MEG3: variants seen among roughly 807,000 people sequenced by gnomAD.
MEG3 encodes maternally expressed 3, also known as Very putative protein from MEG3 locus.
At chr14:100,852,507 G>A (rs769700621), upstream of MEG3, 2 of 497,170 alleles carry the variant, frequency 4.0e-6, no homozygotes, top group East Asian at 5.6e-5. Flanking sequence ...CAGAATCTGG[G>A]GCTCCAGGCT....
At chr14:100,831,087 T>G (rs913590414), downstream of MEG3, 45 of 153,154 alleles carry the variant, frequency 2.9e-4, no homozygotes, top group African/African-American at 1.0e-3. Flanking sequence ...TCGAGAGTCC[T>G]GCTCCCAGTG....
chr14:100,826,172 G>A (rs577606722), intron 1 of MEG3: 1 of 152,324 alleles, frequency 6.6e-6, no homozygotes, highest in Non-Finnish European at 1.5e-5. Context: ...CCTTGGCGGC[G>A]GCTCCTCAGG....
At chr14:100,854,996 C>T (rs1362368639), upstream of MEG3, 1 of 152,660 alleles carries the variant, frequency 6.6e-6, no homozygotes, top group African/African-American at 2.4e-5. Context: ...AGCATCAGGG[C>T]TCACAGGTCA....
intron 2 of MEG3, among the ~76,000 whole-genome samples, chr14:100,844,253 A>G (rs907551323): frequency 1.2e-4 from 18 of 151,502 alleles, no homozygotes; most frequent in Admixed American, 9.8e-4. Context: ...TCCTGTCTCC[A>G]CCTGTGCCTA....
At position 100,837,037 on chromosome 14, in the gene MEG3, G is replaced by A. The variant is rs1465226384; in HGVS notation, n.3045+737G>A. On this transcript the variant is annotated intron_variant and non_coding_transcript_variant, in intron 2 of 3. Coordinates refer to the MEG3 transcript ENST00000398461. This position sits in a 1 kb window ranked among gnomAD's most constrained non-coding sequence, Gnocchi z 5.8. ...GCAGCCGGGAGCCGTCCAGGGCTCG[G>A]GCCTGGGGTTGTTCTGGGGCGCCTA... 1.3e-5 allele frequency among the ~76,000 whole-genome samples: 2 copies of A among 152,188 alleles called. No homozygotes were observed. Among genetic ancestry groups the A allele is most frequent in the African/African-American group, 2.4e-5 (1 of 41,426 alleles).
At chr14:100,853,440 A>G (rs1439202622), upstream of MEG3, 5 of 152,114 alleles carry the variant, frequency 3.3e-5, no homozygotes, top group African/African-American at 9.7e-5. Flanking sequence ...GCAGTGGGAA[A>G]TGCATGCACC....
In MEG3 at chr14:100,860,830, G is replaced by C. The variant is rs191948485; in HGVS notation, n.3194G>C. The C allele has an allele frequency of 1.3e-4, 50 of 384,642 alleles. No individual in the cohort carries two copies. In the East Asian group the frequency reaches 2.2e-3, roughly 17 times the overall value. 23.8% of individuals were successfully genotyped at this position (384,642 alleles called of 1,614,324 possible). A position where few individuals can be genotyped will look rare whatever the true frequency, so the allele number is the denominator to read the frequency against. On this transcript the variant is annotated non_coding_transcript_exon_variant, in exon 2 of 2. Coordinates refer to the MEG3 transcript ENST00000398460. ...CGCTGACCTGGGGTCAGACCCGTGGGCTGGACCCCTGCCCACCCCGCAGGA... is the reference window on the plus strand; with the variant it reads ...CGCTGACCTGGGGTCAGACCCGTGGCCTGGACCCCTGCCCACCCCGCAGGA...
chr14:100,854,800 G>C (rs529463667), upstream of MEG3: 1 of 152,686 alleles, frequency 6.5e-6, no homozygotes, highest in Non-Finnish European at 1.5e-5. Flanking sequence ...GGTTCCCCGC[G>C]TCCTGTGATA....
chr14:100,849,985 TAATAA>T (rs1321045948), intron 3 of MEG3: 3 of 152,308 alleles, frequency 2.0e-5, no homozygotes. Context: ...TCTGCCACTG[TAATAA>T]AATAGATGCA....
downstream of MEG3, chr14:100,832,376 G>T (rs986888179): frequency 6.6e-6 from 1 of 151,936 alleles, no homozygotes; most frequent in African/African-American, 2.4e-5. Flanking sequence ...CCCCTTTGCT[G>T]GTGATTAAAT....
Position 100,845,297 on chromosome 14 carries a change from A to G in MEG3, n.3046-161A>G, listed in dbSNP as rs909681323. On this transcript the variant is annotated intron_variant and non_coding_transcript_variant, in intron 2 of 3. Coordinates refer to the MEG3 transcript ENST00000398461. This position sits in a 1 kb window ranked among gnomAD's most constrained non-coding sequence, Gnocchi z 5.2. Reference sequence around the variant, plus strand: ...TGGTGGGTGAGTGGAGTCAGGAGAGAAATGCGTGGCTTCTCCAATTCCACA... The same window carrying G: ...TGGTGGGTGAGTGGAGTCAGGAGAGGAATGCGTGGCTTCTCCAATTCCACA... 6.6e-5 allele frequency among the ~76,000 whole-genome samples: 10 copies of G among 152,166 alleles called. No individual in the cohort carries two copies. The East Asian group carries it at 1.2e-3, about 18-fold the overall frequency.
chr14:100,859,565 A>T (rs1249446064), exon 1 of MEG3: 1 of 152,104 alleles, frequency 6.6e-6, no homozygotes, highest in Non-Finnish European at 1.5e-5. Context: ...TCTACCTGAG[A>T]AGTCTTTGTC....
rs1433860686 is a variant in MEG3 at position 100,845,383 on chromosome 14, G to T, written n.3046-75G>T. The T allele has an allele frequency of 2.5e-6, 1 of 403,842 alleles. No individual in the cohort carries two copies. Among genetic ancestry groups the T allele is most frequent in the Non-Finnish European group, 4.9e-6 (1 of 203,402 alleles). 25.0% of individuals were successfully genotyped at this position (403,842 alleles called of 1,614,324 possible). ...CCCCTGCCCGCCCCCCAGAGCTGTT[G>T]TCCTCATCCGCCCTCCTCCTCCTCG... On this transcript the variant is annotated intron_variant and non_coding_transcript_variant, in intron 2 of 3. Transcript: ENST00000398461. This position sits in a 1 kb window ranked among gnomAD's most constrained non-coding sequence, Gnocchi z 5.2.
chr14:100,857,904 C>T (rs960233426), exon 1 of MEG3: 1 of 152,138 alleles, frequency 6.6e-6, no homozygotes, highest in Non-Finnish European at 1.5e-5. Flanking sequence ...CTGCTTCCAT[C>T]CTGCGCTCTG....
chr14:100,829,972 ACT>A (rs1258971683), downstream of MEG3: 2 of 152,092 alleles, frequency 1.3e-5, no homozygotes, highest in Non-Finnish European at 2.9e-5. Context: ...TGAGGACTGA[ACT>A]CTCTGTCCCA....
chr14:100,835,529 C>T (rs1053900), exon 1 of MEG3: 79,627 of 153,054 alleles, frequency 0.52, 22,686 homozygotes, highest in Admixed American at 0.64. Flanking sequence ...CCCGGCACTC[C>T]GCTTTGCTCT....
chr14:100,842,053 ATC>A (rs1566729272), intron 2 of MEG3, among the ~76,000 whole-genome samples: 22 of 152,210 alleles, frequency 1.4e-4, no homozygotes. Flanking sequence ...ATTCCCAGCT[ATC>A]TCTGTGTGCT....
chr14:100,836,234 A>G (rs1022512452), exon 2 of MEG3: 2 of 456,396 alleles, frequency 4.4e-6, no homozygotes, highest in Non-Finnish European at 8.8e-6. Flanking sequence ...AGAGGCCCTG[A>G]TGGGGCCCAC....
intron 1 of MEG3, chr14:100,835,961 C>G: frequency 3.0e-6 from 1 of 331,960 alleles, no homozygotes; most frequent in Non-Finnish European, 5.8e-6. Context: ...CCTTGCTCCC[C>G]ACTCAGTTCT....
Sources: allele counts gnomAD v4.1 joint callset (sites outside exome capture counted in the v4.1 genomes callset), GRCh38; gene constraint gnomAD v4.1.1; non-coding constraint Gnocchi (gnomAD v3.1); transcripts MANE v1.5; gene names NCBI Gene and HGNC (gene_info 2026-07-23, HGNC 2026-07-21).